Variants in SYNE2 observed in about 807,000 individuals in gnomAD.
SYNE2 encodes nesprin-2.
In SYNE2, 431 loss-of-function variants were observed where a neutral mutation model predicts 856.3. The observed-to-expected ratio is 0.50, with a 90% CI of 0.47 to 0.55. The LOEUF (loss-of-function observed/expected upper bound fraction) is 0.55. Ranked by LOEUF, SYNE2 falls within the 20% of genes least tolerant of loss-of-function variation. SYNE2 has a pLI of 0.00. For missense variants in SYNE2, 8,129 were observed against 8,023.2 expected, an observed-to-expected ratio of 1.01 and a Z score of -0.50; for synonymous variants, 2,923 against 2,872.3, an observed-to-expected ratio of 1.02 and a Z score of -0.56.
chr14:64,152,815 T>C, intron 85 of SYNE2, 99 bp downstream of exon 85: 1 of 1,445,554 alleles, frequency 6.9e-7, no homozygotes, highest in African/African-American at 1.4e-5. Flanking sequence ...GGAGACTCTC[T>C]ATACCAAACA....
intron 49 of SYNE2, among the ~76,000 whole-genome samples, chr14:64,058,685 C>T (rs568996842): frequency 6.6e-6 from 1 of 152,016 alleles, no homozygotes; most frequent in African/African-American, 2.4e-5. Flanking sequence ...TTCCCCATGT[C>T]GGCCAGGCTG....
At chr14:63,967,022 C>T (rs1438133532) in intron 10 of SYNE2, among the ~76,000 whole-genome samples, 11 of 152,040 alleles carry the variant, frequency 7.2e-5, no homozygotes, top group African/African-American at 2.4e-4. Context: ...GGTGCCACCA[C>T]GCCCAGCTAA....
At chr14:63,962,117 C>T (rs1198597958) in intron 9 of SYNE2, among the ~76,000 whole-genome samples, 10 of 151,570 alleles carry the variant, frequency 6.6e-5, no homozygotes, top group African/African-American at 9.7e-5. Flanking sequence ...AGTGCAGTGG[C>T]GCGATCTTGG....
At chr14:64,202,345 G>T in intron 99 of SYNE2, 1 of 701,074 alleles carries the variant, frequency 1.4e-6, no homozygotes, top group Non-Finnish European at 2.6e-6. Context: ...ACCACCAAGT[G>T]AACCAGGCGT....
intron 1 of SYNE2, among the ~76,000 whole-genome samples, chr14:63,824,638 CA>C (rs34659476): frequency 9.2e-4 from 119 of 129,614 alleles, no homozygotes; most frequent in African/African-American, 2.1e-3. Context: ...GAATCTGTCT[CA>C]AAAAAAAAAA....
chr14:63,856,992 A>G (rs907814889), intron 1 of SYNE2, among the ~76,000 whole-genome samples: 1 of 151,578 alleles, frequency 6.6e-6, no homozygotes, highest in Non-Finnish European at 1.5e-5. Flanking sequence ...CTGGTCTCCA[A>G]CTCCTGGCCT....
intron 1 of SYNE2, among the ~76,000 whole-genome samples, chr14:63,907,519 G>T (rs893171912): frequency 1.3e-5 from 2 of 151,706 alleles, no homozygotes; most frequent in Non-Finnish European, 2.9e-5. Flanking sequence ...AAATGAGGTT[G>T]TATATACAAA....
At chr14:64,139,915 C>T in intron 79 of SYNE2, 26 bp from the exon 80 acceptor site, 3 of 1,613,644 alleles carry the variant, frequency 1.9e-6, no homozygotes, top group Non-Finnish European at 2.5e-6. Flanking sequence ...TCTAATCTGC[C>T]TTCTCTCTCA....
rs112578333 is a variant in SYNE2, at chr14:64,135,486, C to G, written c.14646+1286C>G. On this transcript the variant is annotated intron_variant, in intron 78 of 115. Transcript: ENST00000555002. ...TAACTCTAAGGTAAATCTGAGTCCT[C>G]TGGGGTGGGTGGGAGTGGGGGTGAT... Among the ~76,000 whole-genome samples the G allele has an allele frequency of 7.2e-4, 104 of 144,074 alleles. 1 individual carries two copies. Among genetic ancestry groups the G allele is most frequent in the African/African-American group, 2.5e-3 (100 of 39,670 alleles). 94.5% of individuals were successfully genotyped at this position (144,074 alleles called of 152,430 possible).
In SYNE2 at chr14:64,025,408, T is replaced by C; in HGVS notation, c.6239T>C (p.Ile2080Thr). The change falls in exon 41 of 116, where the codon ATC becomes ACC. Residue 2080 changes from isoleucine (I) to threonine (T), a missense_variant. Ile to Thr is a moderately conservative substitution (Grantham distance 89). Coordinates refer to ENST00000555002, the MANE Select transcript of SYNE2 (RefSeq NM_182914.3). ...GGCAAAATGCCACTTGAGGAAAGAA[T>C]CCAAAAAATCAAGGTATAACTATGG... Reference protein sequence around the residue: ...SEGKMPLEERIQKIKEIILLK... With the variant: ...SEGKMPLEERTQKIKEIILLK... 1 of 1,612,262 alleles carries C rather than the reference T, an allele frequency of 6.2e-7. No homozygotes were observed. The highest frequency in any genetic ancestry group is 1.3e-5 in the African/African-American group (1 of 75,006).
At chr14:64,155,696 G>C (rs1247076563) in intron 85 of SYNE2, among the ~76,000 whole-genome samples, 1 of 152,178 alleles carries the variant, frequency 6.6e-6, no homozygotes, top group East Asian at 1.9e-4. Flanking sequence ...GGTGGCTGAG[G>C]TAGGAGGATC....
At chr14:64,033,265 C>G (rs1441293966) in intron 45 of SYNE2, among the ~76,000 whole-genome samples, 1 of 152,174 alleles carries the variant, frequency 6.6e-6, no homozygotes, top group Non-Finnish European at 1.5e-5. Flanking sequence ...CATGAGCTTG[C>G]TAAAGGGAGT....
In SYNE2 at chr14:63,997,165, A is replaced by G. The variant is rs1429813054; in HGVS notation, c.3152+7A>G. On this transcript the variant is annotated splice_region_variant and intron_variant, in intron 24 of 115. Transcript: ENST00000555002. The stretch of plus-strand genomic sequence containing the variant: ...GAGGCACGTCGAAAAACGAGTTAGT[A>G]CTTCATAAGAATAGCTACCCTTCAG... The G allele has an allele frequency of 6.2e-7, 1 of 1,612,516 alleles. No individual in the cohort carries two copies. The highest frequency in any genetic ancestry group is 8.5e-7 in the Non-Finnish European group (1 of 1,178,886).
intron 44 of SYNE2, 149 bp downstream of exon 44, chr14:64,030,208 A>G (rs2097021957): frequency 1.2e-6 from 1 of 837,012 alleles, no homozygotes; most frequent in African/African-American, 1.7e-5. Flanking sequence ...ATAATAAATG[A>G]GAATGTCCTT....
Position 64,208,795 on chromosome 14 carries a change from TGGAG to T in SYNE2, c.18240_18243del (p.Glu6081ProfsTer48), listed in dbSNP as rs754513562. ...GATATTGAACAACACAGCGCAGGGGTGGAGTCCGTGTTTAACATCTGTGACGTCC... is the reference window on the plus strand; with the variant it reads ...GATATTGAACAACACAGCGCAGGGGTTCCGTGTTTAACATCTGTGACGTCC... On this transcript the variant is annotated frameshift_variant, in exon 101 of 116. Transcript: ENST00000555002. LOFTEE classifies it high-confidence loss of function. The T allele has an allele frequency of 1.2e-6, 2 of 1,614,170 alleles. No homozygotes were observed. The highest frequency in any genetic ancestry group is 3.3e-5 in the Admixed American group (2 of 60,022).
intron 11 of SYNE2, among the ~76,000 whole-genome samples, chr14:63,974,127 C>T (rs1328200209): frequency 6.6e-6 from 1 of 152,116 alleles, no homozygotes; most frequent in East Asian, 1.9e-4. Flanking sequence ...TAGAATTAGA[C>T]TGGGTAACAG....
chr14:64,103,837 G>A (rs2097754127), intron 64 of SYNE2, among the ~76,000 whole-genome samples: 1 of 152,130 alleles, frequency 6.6e-6, no homozygotes, highest in African/African-American at 2.4e-5. Flanking sequence ...ATGCCTCTCT[G>A]TAGACTTCCT....
intron 103 of SYNE2, among the ~76,000 whole-genome samples, chr14:64,210,351 C>T (rs894022977): frequency 1.3e-5 from 2 of 152,166 alleles, no homozygotes; most frequent in South Asian, 2.1e-4. Flanking sequence ...ATGAGATTTG[C>T]GTTACCAACG....
At position 63,771,117 on chromosome 14, in the gene SYNE2, G is replaced by T. The variant is rs1240986295; in HGVS notation, c.-305+9131G>T. On this transcript the variant is annotated intron_variant, in intron 1 of 23. Coordinates refer to the SYNE2 transcript ENST00000674003. ...CGGAGTCTCGCTCTGTGGCCCAGGC[G>T]GGAGCGCAGTGGCGCAATCTCGGCT... Among the ~76,000 whole-genome samples, 37 of 147,064 alleles carry T rather than the reference G, an allele frequency of 2.5e-4. 1 individual carries two copies. The highest frequency in any genetic ancestry group is 8.6e-4 in the African/African-American group (34 of 39,498).
Sources: gnomAD v4.1 joint callset for allele counts (sites outside exome capture counted in the v4.1 genomes callset) on GRCh38, gnomAD v4.1.1 for gene constraint, MANE v1.5 for transcripts, NCBI Gene and HGNC (gene_info 2026-07-23, HGNC 2026-07-21) for gene names.